Variants in SLC49A4 observed in about 807,000 individuals in gnomAD.
SLC49A4 encodes the protein disrupted in renal cancer protein 2.
SLC49A4 carries 36 observed loss-of-function variants against 50.6 expected under a neutral mutation model. The observed-to-expected ratio is 0.71, with a 90% CI of 0.55 to 0.94. The LOEUF (loss-of-function observed/expected upper bound fraction) is 0.94. Ranked by LOEUF, SLC49A4 falls within the 40% of genes least tolerant of loss-of-function variation. The pLI is 0.00. For missense variants in SLC49A4, 503 were observed against 605.7 expected, an observed-to-expected ratio of 0.83 and a Z score of 1.78; for synonymous variants, 248 against 241.2, an observed-to-expected ratio of 1.03 and a Z score of -0.26.
At chr3:122,814,108 T>G (rs892559114) in intron 2 of SLC49A4, among the ~76,000 whole-genome samples, 2 of 152,154 alleles carry the variant, frequency 1.3e-5, no homozygotes, top group African/African-American at 4.8e-5. Flanking sequence ...TCGTCTCTAC[T>G]AAAAATACGA....
chr3:122,863,040 A>G (rs756984230), intron 7 of SLC49A4, among the ~76,000 whole-genome samples: 3 of 152,248 alleles, frequency 2.0e-5, no homozygotes, highest in Non-Finnish European at 2.9e-5. Flanking sequence ...TTAAGGCCAG[A>G]ATTGAAAGAT....
chr3:122,840,843 G>T (rs976176025), intron 4 of SLC49A4, among the ~76,000 whole-genome samples: 2 of 152,078 alleles, frequency 1.3e-5, no homozygotes, highest in African/African-American at 4.8e-5. Context: ...CTGAAATTTT[G>T]AATCAACAGA....
In SLC49A4 at chr3:122,806,869, C is replaced by G; in HGVS notation, c.356C>G (p.Thr119Ser). Reference sequence around the variant, plus strand: ...TGTTTCATTTTAGGTCTCCGGATAACTGTGCTCCTGACATCCTTCCTTATG... The same window carrying G: ...TGTTTCATTTTAGGTCTCCGGATAAGTGTGCTCCTGACATCCTTCCTTATG... Reference protein sequence around the residue: ...WLLDKRGLRITVLLTSFLMVL... With the variant: ...WLLDKRGLRISVLLTSFLMVL... Residue 119 changes from threonine (T) to serine (S), a missense_variant, in exon 2 of 9, where the codon ACT (threonine) becomes AGT (serine). By Grantham distance (58) the Thr-to-Ser change is moderately conservative. Transcript: ENST00000261038. 1 of 1,605,042 alleles carries G rather than the reference C, an allele frequency of 6.2e-7. No individual in the cohort carries two copies. The highest frequency in any genetic ancestry group is 8.5e-7 in the Non-Finnish European group (1 of 1,172,152).
At chr3:122,833,754 A>G (rs1936638747) in intron 4 of SLC49A4, among the ~76,000 whole-genome samples, 2 of 152,226 alleles carry the variant, frequency 1.3e-5, no homozygotes, top group African/African-American at 4.8e-5. Flanking sequence ...ATCCCATATC[A>G]TACAATAGTG....
At position 122,849,675 on chromosome 3, in the gene SLC49A4, G is replaced by T. The variant is rs942609132; in HGVS notation, c.942+3804G>T. ...TTTTGCTTATTTTTTAATTGGATTG[G>T]TTTTTTTTTGCTGTTGAGTTGCTTG... is the stretch of plus-strand genomic sequence containing the variant. On this transcript the variant is annotated intron_variant, in intron 5 of 8. Transcript: ENST00000261038. 2.7e-5 allele frequency among the ~76,000 whole-genome samples: 4 copies of T among 150,592 alleles called. No homozygotes were observed. In the South Asian group the frequency reaches 6.4e-4, roughly 24 times the overall value.
chr3:122,850,474 CA>C (rs113778699), intron 5 of SLC49A4, among the ~76,000 whole-genome samples: 145 of 151,460 alleles, frequency 9.6e-4, no homozygotes, highest in African/African-American at 3.2e-3. Flanking sequence ...TCAGGGCAAA[CA>C]GGAAAAGGAT....
chr3:122,815,041 T>C (rs1936345876), intron 2 of SLC49A4, among the ~76,000 whole-genome samples: 1 of 152,122 alleles, frequency 6.6e-6, no homozygotes, highest in Admixed American at 6.6e-5. Flanking sequence ...TATCATGCTG[T>C]CATTCCAGCC....
chr3:122,850,748 C>A (rs1012853612), intron 5 of SLC49A4, among the ~76,000 whole-genome samples: 4 of 152,122 alleles, frequency 2.6e-5, no homozygotes, highest in African/African-American at 9.7e-5. Flanking sequence ...TCAAACAATC[C>A]TTACACTTTG....
intron 5 of SLC49A4, among the ~76,000 whole-genome samples, chr3:122,854,873 C>T (rs1362551626): frequency 2.0e-5 from 3 of 152,074 alleles, no homozygotes; most frequent in Admixed American, 6.5e-5. Flanking sequence ...GGGCGGATCA[C>T]GAGGTCAGGA....
intron 4 of SLC49A4, among the ~76,000 whole-genome samples, chr3:122,834,801 A>G (rs1187366851): frequency 6.6e-6 from 1 of 152,116 alleles, no homozygotes; most frequent in Non-Finnish European, 1.5e-5. Flanking sequence ...CAAAATTGAT[A>G]CCCCATTAGC....
intron 6 of SLC49A4, 38 bp from the exon 7 acceptor site, chr3:122,860,037 A>C: frequency 6.5e-7 from 1 of 1,545,886 alleles, no homozygotes; most frequent in South Asian, 1.2e-5. Flanking sequence ...TAGTATTTTT[A>C]AATCCCACTA....
At chr3:122,805,524 G>A (rs551092348) in intron 1 of SLC49A4, among the ~76,000 whole-genome samples, 1 of 152,186 alleles carries the variant, frequency 6.6e-6, no homozygotes, top group Admixed American at 6.5e-5. Context: ...TGGAAAAAAA[G>A]AAATATTACA....
At chr3:122,854,666 C>T (rs1936963117) in intron 5 of SLC49A4, among the ~76,000 whole-genome samples, 1 of 152,180 alleles carries the variant, frequency 6.6e-6, no homozygotes, top group Non-Finnish European at 1.5e-5. Context: ...TGCTCACTTC[C>T]ATTAATGAGA....
chr3:122,872,565 T>C lies in SLC49A4; in HGVS notation c.1289T>C (p.Val430Ala). Residue 430 changes from valine to alanine, a missense_variant, in exon 8 of 9, where the codon GTA (valine) becomes GCA (alanine). Coordinates refer to ENST00000261038, the MANE Select transcript of SLC49A4 (RefSeq NM_032839.3). Reference sequence around the variant, plus strand: ...TTTTTAAGTAATATGTTTATGGGAGTACTTTTATTTTTTCTCACATTTTAT... The same window carrying C: ...TTTTTAAGTAATATGTTTATGGGAGCACTTTTATTTTTTCTCACATTTTAT... ...VTFLSNMFMG[V>A]LLFFLTFYHT... 6.3e-7 allele frequency: 1 copy of C among 1,590,784 alleles called. No homozygotes were observed. The highest frequency in any genetic ancestry group is 1.1e-5 in the South Asian group (1 of 87,244).
chr3:122,878,282 T>C (rs1195159517), intron 8 of SLC49A4, among the ~76,000 whole-genome samples: 2 of 152,226 alleles, frequency 1.3e-5, no homozygotes, highest in Non-Finnish European at 2.9e-5. Flanking sequence ...ATTTTTTGAA[T>C]TGAAACTGCT....
chr3:122,842,402 C>T (rs1419188488), intron 4 of SLC49A4, among the ~76,000 whole-genome samples: 2 of 136,542 alleles, frequency 1.5e-5, no homozygotes, highest in Non-Finnish European at 3.1e-5. Flanking sequence ...AGGAGAATGG[C>T]GTGAACCCGG....
chr3:122,844,946 A>G (rs1477340976), intron 4 of SLC49A4, among the ~76,000 whole-genome samples: 3 of 151,980 alleles, frequency 2.0e-5, no homozygotes, highest in African/African-American at 7.3e-5. Flanking sequence ...ATATGTGTAT[A>G]TGTGTGTATA....
intron 1 of SLC49A4, among the ~76,000 whole-genome samples, chr3:122,798,706 G>A (rs893927819): frequency 2.6e-5 from 3 of 115,900 alleles, no homozygotes; most frequent in African/African-American, 9.9e-5. Flanking sequence ...GTACAGTTGT[G>A]TGATCTTGGC....
At chr3:122,848,857 T>C (rs1936889998) in intron 5 of SLC49A4, among the ~76,000 whole-genome samples, 1 of 152,158 alleles carries the variant, frequency 6.6e-6, no homozygotes, top group Non-Finnish European at 1.5e-5. Flanking sequence ...AAATACACAA[T>C]AAGCTGTTGT....
Sources: gnomAD v4.1 joint callset for allele counts (sites outside exome capture counted in the v4.1 genomes callset) on GRCh38, gnomAD v4.1.1 for gene constraint, MANE v1.5 for transcripts, NCBI Gene and HGNC (gene_info 2026-07-23, HGNC 2026-07-21) for gene names.